Variants in NBAS observed in about 807,000 individuals in gnomAD.
NBAS encodes the protein NAG/BC035112 fusion.
NBAS carries 219 observed loss-of-function variants against 302.5 expected under a neutral mutation model. The observed-to-expected ratio is 0.72, with a 90% confidence interval of 0.65 to 0.81. The LOEUF (loss-of-function observed/expected upper bound fraction) is 0.81. Ranked by LOEUF, NBAS falls within the 30% of genes least tolerant of loss-of-function variation. The probability of loss-of-function intolerance (pLI) is 0.00; values close to 1 mark genes in which losing one functional copy is unlikely to be tolerated. For synonymous variants in NBAS, 1,118 were observed against 1,021.6 expected (o/e 1.09, Z -1.80); for missense variants, 2,932 against 2,841.6 (o/e 1.03, Z -0.72).
the NBAS span, among the ~76,000 whole-genome samples, chr2:14,976,149 C>A: frequency 4.6e-5 from 7 of 152,190 alleles, no homozygotes; most frequent in South Asian, 2.1e-4. Flanking sequence ...ATAACTGGAA[C>A]ACGGCATGAG....
chr2:15,261,512 T>C (rs1169441272), intron 44 of NBAS, among the ~76,000 whole-genome samples: 1 of 152,208 alleles, frequency 6.6e-6, no homozygotes, highest in East Asian at 1.9e-4. Flanking sequence ...GCTCATATAA[T>C]AAAAGTGAGT....
chr2:14,890,109 T>C, the NBAS span, among the ~76,000 whole-genome samples: 1 of 152,206 alleles, frequency 6.6e-6, no homozygotes, highest in Non-Finnish European at 1.5e-5. Context: ...CAGACTTTTT[T>C]CCCTTAGAAG....
At chr2:14,866,014 T>A in the NBAS span, among the ~76,000 whole-genome samples, 1 of 152,068 alleles carries the variant, frequency 6.6e-6, no homozygotes, top group Non-Finnish European at 1.5e-5. Context: ...TTCAGATGGA[T>A]TTTTTTTATC....
At chr2:15,553,923 T>A in intron 4 of NBAS, 138 bp downstream of exon 4, 1 of 674,156 alleles carries the variant, frequency 1.5e-6, no homozygotes, top group Non-Finnish European at 2.5e-6. Context: ...GTTTAAACAA[T>A]ACTAAATATT....
chr2:14,783,768 C>T, the NBAS span, among the ~76,000 whole-genome samples: 366 of 152,066 alleles, frequency 2.4e-3, no homozygotes, highest in African/African-American at 6.8e-3. Flanking sequence ...GTGAATAGTG[C>T]GGCAATAAAC....
intron 43 of NBAS, among the ~76,000 whole-genome samples, chr2:15,276,639 G>A (rs1280688259): frequency 6.6e-6 from 1 of 152,134 alleles, no homozygotes; most frequent in East Asian, 1.9e-4. Flanking sequence ...GTCACTGTGC[G>A]ACTTTCAATA....
At chr2:14,844,400 C>T in the NBAS span, among the ~76,000 whole-genome samples, 12 of 152,288 alleles carry the variant, frequency 7.9e-5, no homozygotes, top group South Asian at 2.3e-3. Context: ...AGCAGTGATA[C>T]CCAAGTAGTT....
At chr2:15,536,024 A>G (rs1467655046) in intron 8 of NBAS, among the ~76,000 whole-genome samples, 1 of 152,142 alleles carries the variant, frequency 6.6e-6, no homozygotes, top group Non-Finnish European at 1.5e-5. Context: ...ATTTGTCATA[A>G]CTCACCAGCT....
the NBAS span, among the ~76,000 whole-genome samples, chr2:15,077,394 T>G: frequency 6.6e-6 from 1 of 152,208 alleles, no homozygotes; most frequent in Admixed American, 6.5e-5. Context: ...ATCCTGATAT[T>G]CCACTCATAT....
At chr2:15,417,247 A>G (rs1676986897) in intron 24 of NBAS, among the ~76,000 whole-genome samples, 1 of 152,236 alleles carries the variant, frequency 6.6e-6, no homozygotes. Flanking sequence ...CAGGATTACT[A>G]GAATCACTAG....
At chr2:15,014,902 A>G in the NBAS span, among the ~76,000 whole-genome samples, 1 of 151,936 alleles carries the variant, frequency 6.6e-6, no homozygotes, top group Non-Finnish European at 1.5e-5. Flanking sequence ...CTAGACTAAG[A>G]AAAAATAGAG....
chr2:14,942,155 T>G, the NBAS span, among the ~76,000 whole-genome samples: 5 of 152,194 alleles, frequency 3.3e-5, no homozygotes, highest in African/African-American at 1.2e-4. Flanking sequence ...AAAGCCAAAA[T>G]AACTATTCTA....
the NBAS span, among the ~76,000 whole-genome samples, chr2:15,103,587 T>C: frequency 6.6e-6 from 1 of 152,202 alleles, no homozygotes; most frequent in Non-Finnish European, 1.5e-5. Flanking sequence ...GTGTCTTATG[T>C]TCCTCTGTAT....
At chr2:15,067,159 CAAAAA>C in the NBAS span, among the ~76,000 whole-genome samples, 2 of 93,344 alleles carry the variant, frequency 2.1e-5, no homozygotes, top group African/African-American at 1.0e-4. Context: ...CTTATCTCCA[CAAAAA>C]AAAAAAAAAA....
At chr2:15,035,549 T>C in the NBAS span, among the ~76,000 whole-genome samples, 8 of 152,200 alleles carry the variant, frequency 5.3e-5, no homozygotes, top group Non-Finnish European at 1.2e-4. Context: ...TGTATGTTCA[T>C]TGCAGCACTA....
intron 38 of NBAS, among the ~76,000 whole-genome samples, chr2:15,314,290 A>G (rs1671410108): frequency 6.6e-6 from 1 of 152,194 alleles, no homozygotes; most frequent in Non-Finnish European, 1.5e-5. Context: ...TGGGAGGCAG[A>G]GACTGCAGTG....
At chr2:15,187,642 T>C (rs1665152071) in intron 49 of NBAS, among the ~76,000 whole-genome samples, 1 of 152,226 alleles carries the variant, frequency 6.6e-6, no homozygotes, top group African/African-American at 2.4e-5. Context: ...TTTCCATTTC[T>C]ATTGACAAGT....
intron 25 of NBAS, among the ~76,000 whole-genome samples, chr2:15,403,077 G>C (rs1676232568): frequency 6.6e-6 from 1 of 150,436 alleles, no homozygotes; most frequent in Non-Finnish European, 1.5e-5. Flanking sequence ...TAGCACCACA[G>C]CAACCAAAAT....
At chr2:15,436,521 G>T (rs1346935547) in intron 21 of NBAS, among the ~76,000 whole-genome samples, 1 of 152,166 alleles carries the variant, frequency 6.6e-6, no homozygotes, top group Non-Finnish European at 1.5e-5. Flanking sequence ...AGAAAAAAAT[G>T]TTGATATAAA....
Sources: allele counts gnomAD v4.1 joint callset (sites outside exome capture counted in the v4.1 genomes callset), GRCh38; gene constraint gnomAD v4.1.1; transcripts MANE v1.5; gene names NCBI Gene and HGNC (gene_info 2026-07-23, HGNC 2026-07-21).